The following PLEKHH1 variants were observed in gnomAD, a reference collection of about 807,000 sequenced individuals.
The protein encoded by PLEKHH1 is pleckstrin homology, MyTH4 and FERM domain containing H1, also known as pleckstrin homology domain-containing family H member 1.
In PLEKHH1, 104 loss-of-function variants were observed where a neutral mutation model predicts 160.0. The ratio of observed to expected loss-of-function variants is 0.65; its 90% CI spans 0.55 to 0.76. The LOEUF is 0.76. PLEKHH1 is among the 30% of genes least tolerant of loss of function. The probability of loss-of-function intolerance (pLI) is 0.00; values close to 1 mark genes in which losing one functional copy is unlikely to be tolerated. For missense variants in PLEKHH1, 1,427 were observed against 1,724.1 expected, an observed-to-expected ratio of 0.83 and a Z score of 3.05; for synonymous variants, 619 against 678.4, an observed-to-expected ratio of 0.91 and a Z score of 1.36.
Position 67,562,735 on chromosome 14 carries a change from T to C in PLEKHH1, c.1104T>C (p.Ala368=), listed in dbSNP as rs1182019351. The part of the protein sequence containing the change: ...PSGLPELESR[A]RSREEPEKME... Reference sequence around the variant, plus strand: ...GCCTTCCTGAGCTGGAGTCCCGAGCTAGGTCCCGGGAGGAACCAGAGAAGA... The same window carrying C: ...GCCTTCCTGAGCTGGAGTCCCGAGCCAGGTCCCGGGAGGAACCAGAGAAGA... Residue 368 remains alanine, a synonymous_variant, in exon 7 of 29, where the codon GCT becomes GCC. Transcript: ENST00000329153. 2 of 1,613,666 alleles carry C rather than the reference T, an allele frequency of 1.2e-6. No homozygotes were observed. Among genetic ancestry groups the C allele is most frequent in the South Asian group, 1.1e-5 (1 of 90,992 alleles).
At chr14:67,564,953 A>C (rs992256647) in intron 7 of PLEKHH1, among the ~76,000 whole-genome samples, 4 of 152,064 alleles carry the variant, frequency 2.6e-5, no homozygotes, top group African/African-American at 9.7e-5. Context: ...GACCTCCCAA[A>C]GTGCTGGGAT....
chr14:67,534,659 A>G (rs758524993), intron 1 of PLEKHH1, among the ~76,000 whole-genome samples: 2 of 152,092 alleles, frequency 1.3e-5, no homozygotes, highest in Non-Finnish European at 1.5e-5. Flanking sequence ...GAGTTGGGCA[A>G]TTGTGGGGTG....
chr14:67,588,841 G>GT lies in PLEKHH1; in HGVS notation c.*1607dup, dbSNP rs563667507. 308 of 152,742 alleles carry GT rather than the reference G, an allele frequency of 2.0e-3. 5 individuals are homozygous for GT. Among genetic ancestry groups the GT allele is most frequent in the Admixed American group, 0.02 (305 of 15,300 alleles). 9.5% of individuals were successfully genotyped at this position (152,742 alleles called of 1,614,324 possible). On this transcript the variant is annotated 3_prime_UTR_variant, in exon 29 of 29. Transcript: ENST00000329153. ...AGTTTATCTGAACACCTCAGCTGCT[G>GT]TAAGCTTCTCCTCTCTCACCCCGTA...
At position 67,542,032 on chromosome 14, in the gene PLEKHH1, A is replaced by G; in HGVS notation, c.126+39A>G. On this transcript the variant is annotated intron_variant, in intron 2 of 28. Transcript: ENST00000329153. ...AGCAGGGAGCTGCCTCTCCACACGC[A>G]GAGGTTTATGGCAGGGAGGGCCGTG... 3.2e-6 allele frequency: 5 copies of G among 1,559,460 alleles called. No homozygotes were observed. In the South Asian group the frequency reaches 3.6e-5, roughly 11 times the overall value.
chr14:67,565,193 CTTAGGT>C lies in PLEKHH1; in HGVS notation c.1263+2300_1263+2305del, dbSNP rs556834198. ...TCAGGAAACCACTGTTCCCCACAGA[CTTAGGT>C]ACTTGCCCAAGGTCATGTAGTAGTT... On this transcript the variant is annotated intron_variant, in intron 7 of 28. Transcript: ENST00000329153. Among the ~76,000 whole-genome samples, 424 of 152,186 alleles carry C rather than the reference CTTAGGT, an allele frequency of 2.8e-3. 1 individual carries two copies. The highest frequency in any genetic ancestry group is 3.1e-3 in the Non-Finnish European group (211 of 68,000).
chr14:67,586,131 G>C, intron 28 of PLEKHH1, 34 bp downstream of exon 28: 1 of 1,610,004 alleles, frequency 6.2e-7, no homozygotes, highest in Non-Finnish European at 8.5e-7. Flanking sequence ...GTTCTACTCT[G>C]GCAAGATGTG....
At chr14:67,546,781 G>A (rs1005592270) in intron 2 of PLEKHH1, among the ~76,000 whole-genome samples, 2 of 152,156 alleles carry the variant, frequency 1.3e-5, no homozygotes, top group Non-Finnish European at 2.9e-5. Flanking sequence ...TAGGAGGATC[G>A]CTTGAGCCAA....
At chr14:67,581,095 C>A in intron 23 of PLEKHH1, 57 bp downstream of exon 23, 1 of 1,061,482 alleles carries the variant, frequency 9.4e-7, no homozygotes, top group South Asian at 1.3e-5. Flanking sequence ...TGGGTGCCAG[C>A]TCATCGCCTC....
At position 67,562,204 on chromosome 14, in the gene PLEKHH1, C is replaced by A; in HGVS notation, c.573C>A (p.Val191=). Residue 191 remains valine (V), a synonymous_variant, in exon 7 of 29, where the codon GTC becomes GTA. Transcript: ENST00000329153. ...PPYGAAEQDS[V]PSEPGIQPMG... ...ACGGAGCTGCAGAGCAGGATTCTGT[C>A]CCTTCAGAGCCGGGAATCCAGCCTA... 1 of 1,611,466 alleles carries A rather than the reference C, an allele frequency of 6.2e-7. No homozygotes were observed.
intron 8 of PLEKHH1, 35 bp downstream of exon 8, chr14:67,569,251 C>T: frequency 2.0e-6 from 3 of 1,504,330 alleles, no homozygotes; most frequent in South Asian, 2.3e-5. Flanking sequence ...GCACCAAACA[C>T]CCAAGGTGGG....
chr14:67,565,408 TA>T (rs2140433119), intron 7 of PLEKHH1, among the ~76,000 whole-genome samples: 1 of 152,268 alleles, frequency 6.6e-6, no homozygotes, highest in East Asian at 1.9e-4. Flanking sequence ...CACACCTGGC[TA>T]ATTTTTTAAA....
chr14:67,569,160 C>T lies in PLEKHH1; in HGVS notation c.1286C>T (p.Ala429Val). The T allele has an allele frequency of 6.2e-7, 1 of 1,612,480 alleles. No homozygotes were observed. The highest frequency in any genetic ancestry group is 8.5e-7 in the Non-Finnish European group (1 of 1,178,816). The change falls in exon 8 of 29, where the codon GCC (alanine) becomes GTC (valine). Residue 429 changes from alanine (A) to valine (V), a missense_variant. Physicochemically the swap from Ala to Val is moderately conservative, Grantham distance 64. Coordinates refer to ENST00000329153, the MANE Select transcript of PLEKHH1 (RefSeq NM_020715.3). ...CAGGAGAGCCGGATCTATGCTGTGG[C>T]CACATCGGGCATGCGGCTCTCAGAT... The part of the protein sequence containing the change: ...SSWESRIYAV[A>V]TSGMRLSDMS...
rs781611881 is a variant in PLEKHH1 at position 67,583,932 on chromosome 14, G to A, written c.3569+49G>A. 5 of 1,611,876 alleles carry A rather than the reference G, an allele frequency of 3.1e-6. No homozygotes were observed. In the East Asian group the frequency reaches 6.7e-5, roughly 22 times the overall value. On this transcript the variant is annotated intron_variant, in intron 25 of 28. Transcript: ENST00000329153. ...AGCAAGTCACTGTGGGGAGGTCTCA[G>A]GCCTGGAATGAAGACACGTCGGCAC...
In PLEKHH1 at chr14:67,574,105, G is replaced by A; in HGVS notation, c.1927-137G>A. ...GAGACAGGGAGGAAAAGATGAGGAG[G>A]AAAAGAAAGGAGGGAGCACTAGGGC... On this transcript the variant is annotated intron_variant, in intron 13 of 28. Coordinates refer to ENST00000329153, the MANE Select transcript of PLEKHH1 (RefSeq NM_020715.3). This position sits in a 1 kb window ranked among gnomAD's most constrained non-coding sequence, Gnocchi z 4.2. 1 of 752,526 alleles carries A rather than the reference G, an allele frequency of 1.3e-6. No homozygotes were observed. The highest frequency in any genetic ancestry group is 2.9e-5 in the Admixed American group (1 of 35,074). 46.6% of individuals were successfully genotyped at this position (752,526 alleles called of 1,614,324 possible).
In PLEKHH1 at chr14:67,572,215, G is replaced by C; in HGVS notation, c.1666G>C (p.Glu556Gln). The C allele has an allele frequency of 6.2e-7, 1 of 1,609,488 alleles. No individual in the cohort carries two copies. The highest frequency in any genetic ancestry group is 8.5e-7 in the Non-Finnish European group (1 of 1,178,222). The change falls in exon 11 of 29, where the codon GAG (glutamate) becomes CAG (glutamine). Residue 556 changes from glutamate to glutamine, a missense_variant. By Grantham distance (29) the Glu-to-Gln change is conservative (BLOSUM62 2). Around this residue, in one of 6 missense-constraint regions of PLEKHH1, gnomAD observed 831 missense variants for 929.2 expected, o/e 0.89. Transcript: ENST00000329153. ...DACSLDSDYS[E>Q]PEHKLQRTSS... is the part of the protein sequence containing the mutation. ...CTGCTCACTGGACAGTGACTACTCA[G>C]AGCCTGAGCACAAACTGCAGCGCAC...
intron 2 of PLEKHH1, among the ~76,000 whole-genome samples, chr14:67,555,172 G>A (rs1466493132): frequency 6.6e-6 from 1 of 152,192 alleles, no homozygotes; most frequent in African/African-American, 2.4e-5. Context: ...CCCGCCTTAG[G>A]CTTCCAAAGT....
At chr14:67,541,773 C>A in intron 1 of PLEKHH1, 61 bp from the exon 2 acceptor site, 1 of 1,194,264 alleles carries the variant, frequency 8.4e-7, no homozygotes, top group Non-Finnish European at 1.1e-6. Flanking sequence ...CGTTCTTTCC[C>A]CACAGAACTC....
At position 67,589,442 on chromosome 14, in the gene PLEKHH1, G is replaced by A. The variant is rs1566774064; in HGVS notation, c.*2207G>A. ...CTTTTGAACTGATATAAAAAAAAAT[G>A]CTGAGTAACAGAAAAGTATTAATGT... On this transcript the variant is annotated 3_prime_UTR_variant, in exon 29 of 29. Coordinates refer to ENST00000329153, the MANE Select transcript of PLEKHH1 (RefSeq NM_020715.3). 1 of 985,160 alleles carries A rather than the reference G, an allele frequency of 1.0e-6. No individual in the cohort carries two copies. The highest frequency in any genetic ancestry group is 1.2e-6 in the Non-Finnish European group (1 of 829,714). 61.0% of individuals were successfully genotyped at this position (985,160 alleles called of 1,614,324 possible).
chr14:67,556,111 CAAATT>C (rs1052403834), intron 3 of PLEKHH1, among the ~76,000 whole-genome samples: 5 of 152,174 alleles, frequency 3.3e-5, no homozygotes, highest in African/African-American at 1.2e-4. Flanking sequence ...GCTGTGGTAA[CAAATT>C]AAGTCTGAAG....
Sources: gnomAD v4.1 joint callset for allele counts (sites outside exome capture counted in the v4.1 genomes callset) on GRCh38, gnomAD v4.1.1 for gene constraint, gnomAD v4.1.1 regional missense constraint, Gnocchi (gnomAD v3.1) non-coding constraint, MANE v1.5 for transcripts, NCBI Gene and HGNC (gene_info 2026-07-23, HGNC 2026-07-21) for gene names.